The following KLF8 variants were observed in gnomAD, a reference collection of about 807,000 sequenced individuals.
KLF8 encodes Krueppel-like factor 8.
A neutral mutation model predicts 18.2 loss-of-function variants in KLF8; 10 were observed. The observed-to-expected ratio is 0.55, with a 90% confidence interval of 0.34 to 0.93. KLF8 has a LOEUF of 0.93. Ranked by LOEUF, KLF8 falls within the 40% of genes least tolerant of loss-of-function variation. The pLI is 0.02. For synonymous variants in KLF8, 109 were observed against 97.3 expected, an observed-to-expected ratio of 1.12 and a Z score of -0.71; for missense variants, 264 against 277.9, an observed-to-expected ratio of 0.95 and a Z score of 0.36.
the KLF8 span, among the ~76,000 whole-genome samples, chrX:56,031,915 G>A: frequency 5.4e-5 from 6 of 111,765 alleles, no homozygotes; most frequent in African/African-American, 2.0e-4. Flanking sequence ...GATCTAGGGG[G>A]TATGTGACAG....
chrX:56,249,883 T>C (rs1236474044), intron 1 of KLF8, among the ~76,000 whole-genome samples: 1 of 111,383 alleles, frequency 9.0e-6, no homozygotes, highest in African/African-American at 3.3e-5. Context: ...CGGGTAAATA[T>C]ATATATAGGA....
At chrX:55,992,007 C>CT in the KLF8 span, among the ~76,000 whole-genome samples, 1 of 111,751 alleles carries the variant, frequency 8.9e-6, no homozygotes, top group Non-Finnish European at 1.9e-5. Context: ...GATATTAGAC[C>CT]TTTTTGGATT....
chrX:56,265,990 G>A, intron 3 of KLF8: 1 of 901,257 alleles, frequency 1.1e-6, no homozygotes, highest in Admixed American at 5.4e-5. Flanking sequence ...ACAACTTCCT[G>A]GAACTTCCAC....
At chrX:56,085,397 G>C in the KLF8 span, among the ~76,000 whole-genome samples, 1 of 112,109 alleles carries the variant, frequency 8.9e-6, no homozygotes, top group African/African-American at 3.2e-5. Flanking sequence ...ACAGATTCCA[G>C]TATGGGTCTG....
At chrX:55,978,063 C>CTA in the KLF8 span, among the ~76,000 whole-genome samples, 60 of 109,984 alleles carry the variant, frequency 5.5e-4, 1 homozygote, top group South Asian at 1.6e-3. Context: ...TTCTCTCTCT[C>CTA]TCTATATATA....
At chrX:56,137,009 C>T in the KLF8 span, among the ~76,000 whole-genome samples, 7 of 111,909 alleles carry the variant, frequency 6.3e-5, no homozygotes, top group African/African-American at 2.3e-4. Flanking sequence ...AAAAAATGCT[C>T]ATCATCACTG....
chrX:56,105,987 G>T, the KLF8 span, among the ~76,000 whole-genome samples: 10 of 111,457 alleles, frequency 9.0e-5, no homozygotes, highest in African/African-American at 2.9e-4. Context: ...AGCTGAATTT[G>T]GTTGGATGTG....
At chrX:56,171,377 G>A in the KLF8 span, among the ~76,000 whole-genome samples, 1 of 111,924 alleles carries the variant, frequency 8.9e-6, no homozygotes, top group South Asian at 3.7e-4. Context: ...TTATAGTATA[G>A]TATTCTTTTA....
At chrX:56,264,252 TTATTAGTTTTTTAAAAAAAG>T (rs1424111700) in intron 2 of KLF8, among the ~76,000 whole-genome samples, 1 of 111,189 alleles carries the variant, frequency 9.0e-6, no homozygotes, top group Non-Finnish European at 1.9e-5. Context: ...AAATGATCAT[TTATTAGTTTTTTAAAAAAAG>T]TATTAGTTTT....
chrX:56,007,130 G>C, the KLF8 span, among the ~76,000 whole-genome samples: 5 of 112,211 alleles, frequency 4.5e-5, no homozygotes, highest in South Asian at 7.4e-4. Flanking sequence ...ATGTCCCAGA[G>C]GCAGCCTATC....
chrX:56,057,714 C>A, the KLF8 span, among the ~76,000 whole-genome samples: 4 of 111,134 alleles, frequency 3.6e-5, no homozygotes, highest in African/African-American at 1.3e-4. Flanking sequence ...GACAAGAACA[C>A]CCTGCAGAGT....
the KLF8 span, among the ~76,000 whole-genome samples, chrX:56,058,195 T>C: frequency 8.8e-3 from 708 of 80,560 alleles, 38 homozygotes; most frequent in Admixed American, 0.082. Context: ...TATATATACA[T>C]ATATATATAC....
At chrX:56,161,440 C>A in the KLF8 span, among the ~76,000 whole-genome samples, 1 of 111,897 alleles carries the variant, frequency 8.9e-6, no homozygotes, top group South Asian at 3.7e-4. Flanking sequence ...CACATAGTCC[C>A]ATATTTGTTG....
chrX:56,057,842 T>G, the KLF8 span, among the ~76,000 whole-genome samples: 7 of 110,216 alleles, frequency 6.4e-5, no homozygotes, highest in African/African-American at 2.0e-4. Flanking sequence ...CTCTCTGGGC[T>G]TCACCTCAGC....
At chrX:56,256,193 T>C (rs902083108) in intron 2 of KLF8, among the ~76,000 whole-genome samples, 52 of 111,980 alleles carry the variant, frequency 4.6e-4, no homozygotes, top group African/African-American at 1.6e-3. Context: ...TGGCTACTAA[T>C]GATCCTTTGA....
chrX:56,233,399 C>T (rs2066426533), intron 1 of KLF8, 58 bp downstream of exon 1: 10 of 922,759 alleles, frequency 1.1e-5, no homozygotes, highest in Middle Eastern at 2.6e-4. Context: ...TAGATTCTAT[C>T]CCCCTCCCAG....
At chrX:56,236,198 G>C (rs2066472449) in intron 1 of KLF8, among the ~76,000 whole-genome samples, 1 of 111,525 alleles carries the variant, frequency 9.0e-6, no homozygotes, top group African/African-American at 3.3e-5. Flanking sequence ...ATCACCTCTG[G>C]ACTCTTCACT....
At chrX:56,262,308 A>AC (rs2066892703) in intron 2 of KLF8, among the ~76,000 whole-genome samples, 1 of 111,961 alleles carries the variant, frequency 8.9e-6, no homozygotes, top group Admixed American at 9.5e-5. Flanking sequence ...CAGTTTCTTG[A>AC]CTTTCATCAA....
chrX:55,996,731 C>T, the KLF8 span, among the ~76,000 whole-genome samples: 1 of 111,966 alleles, frequency 8.9e-6, no homozygotes, highest in African/African-American at 3.2e-5. Flanking sequence ...AACACCTGCT[C>T]TGCTGGAGGA....
Sources: allele counts gnomAD v4.1 joint callset (sites outside exome capture counted in the v4.1 genomes callset), GRCh38; gene constraint gnomAD v4.1.1; transcripts MANE v1.5; gene names NCBI Gene and HGNC (gene_info 2026-07-23, HGNC 2026-07-21).